Variants in LINGO2 observed in about 807,000 individuals in gnomAD.
LINGO2 encodes leucine-rich repeat and immunoglobulin-like domain-containing nogo receptor-interacting protein 2.
In LINGO2, 14 loss-of-function variants were observed where a neutral mutation model predicts 30.6. The ratio of observed to expected loss-of-function variants is 0.46; its 90% CI spans 0.30 to 0.72. The LOEUF (loss-of-function observed/expected upper bound fraction) is 0.72. Ranked by LOEUF, LINGO2 falls within the 30% of genes least tolerant of loss-of-function variation. LINGO2 has a pLI of 0.07. For synonymous variants in LINGO2, 317 were observed against 288.5 expected, an observed-to-expected ratio of 1.10 and a Z score of -1.00; for missense variants, 729 against 751.7, an observed-to-expected ratio of 0.97 and a Z score of 0.35.
chr9:28,648,098 C>A (rs1366263145), intron 1 of LINGO2, among the ~76,000 whole-genome samples: 1 of 151,860 alleles, frequency 6.6e-6, no homozygotes. Flanking sequence ...CATAATGATC[C>A]CTGCAAAATT....
the LINGO2 span, among the ~76,000 whole-genome samples, chr9:28,921,727 C>G: frequency 7.7e-4 from 118 of 152,306 alleles, no homozygotes; most frequent in Middle Eastern, 6.8e-3. Context: ...TCCACATCCA[C>G]TCACCAGTTA....
intron 5 of LINGO2, among the ~76,000 whole-genome samples, chr9:27,982,304 C>G (rs1820918086): frequency 6.6e-6 from 1 of 151,792 alleles, no homozygotes; most frequent in Non-Finnish European, 1.5e-5. Context: ...CAGCCGGACA[C>G]TAGGAATGGG....
At chr9:28,938,274 T>C in the LINGO2 span, among the ~76,000 whole-genome samples, 15 of 152,230 alleles carry the variant, frequency 9.9e-5, no homozygotes, top group Admixed American at 7.9e-4. Flanking sequence ...TATGGAGTGA[T>C]TGGCCAACCA....
the LINGO2 span, among the ~76,000 whole-genome samples, chr9:29,021,287 C>T: frequency 2.2e-4 from 34 of 152,266 alleles, no homozygotes; most frequent in African/African-American, 7.7e-4. Flanking sequence ...TATTTGAATG[C>T]GTCTGTGCCT....
the LINGO2 span, among the ~76,000 whole-genome samples, chr9:28,887,594 A>G: frequency 6.6e-6 from 1 of 152,092 alleles, no homozygotes; most frequent in African/African-American, 2.4e-5. Flanking sequence ...ACATCACAAC[A>G]AGCTACTGGA....
chr9:28,979,356 A>G, the LINGO2 span, among the ~76,000 whole-genome samples: 1 of 152,084 alleles, frequency 6.6e-6, no homozygotes, highest in African/African-American at 2.4e-5. Context: ...CAAAGTAGCT[A>G]TGGGTGGTAG....
intron 1 of LINGO2, among the ~76,000 whole-genome samples, chr9:28,621,007 A>T (rs1224071598): frequency 6.6e-6 from 1 of 152,072 alleles, no homozygotes; most frequent in Non-Finnish European, 1.5e-5. Flanking sequence ...GTGGAAGGTA[A>T]AGTGCAAGAA....
At chr9:27,959,558 A>G (rs996754026) in intron 5 of LINGO2, among the ~76,000 whole-genome samples, 16 of 152,280 alleles carry the variant, frequency 1.1e-4, no homozygotes, top group Non-Finnish European at 2.4e-4. Flanking sequence ...TTTAGGATTT[A>G]GTTGGTTTAT....
intron 4 of LINGO2, among the ~76,000 whole-genome samples, chr9:28,222,754 T>A (rs1007008391): frequency 6.6e-6 from 1 of 152,112 alleles, no homozygotes; most frequent in African/African-American, 2.4e-5. Flanking sequence ...TGCTAAAACA[T>A]CTAGAAATGA....
the LINGO2 span, among the ~76,000 whole-genome samples, chr9:28,870,933 A>G: frequency 3.2e-4 from 48 of 152,164 alleles, no homozygotes; most frequent in South Asian, 8.1e-3. Flanking sequence ...TGTTTCATTA[A>G]TAATAGTGTA....
the LINGO2 span, among the ~76,000 whole-genome samples, chr9:29,159,449 A>G: frequency 6.6e-6 from 1 of 152,338 alleles, no homozygotes; most frequent in South Asian, 2.1e-4. Flanking sequence ...GTTGATTAAG[A>G]AGTTATACAA....
the LINGO2 span, among the ~76,000 whole-genome samples, chr9:28,816,986 C>T: frequency 8.5e-5 from 13 of 152,050 alleles, no homozygotes; most frequent in Non-Finnish European, 1.9e-4. Flanking sequence ...TACTCACAGG[C>T]GACATTCTTT....
In LINGO2 at chr9:27,986,485, T is replaced by C. The variant is rs1028522584; in HGVS notation, c.-36+25870A>G. On this transcript the variant is annotated intron_variant, in intron 5 of 5. Coordinates refer to ENST00000379992, the Ensembl canonical transcript of LINGO2. ...TTATATACGCAGAGTTTGGGCACCA[T>C]TTAGGAGTAGGGCCTTTAGGAGTGG... Among the ~76,000 whole-genome samples the C allele has an allele frequency of 9.9e-5, 15 of 151,878 alleles. No homozygotes were observed. The East Asian group carries it at 2.3e-3, about 24-fold the overall frequency.
At chr9:28,595,043 G>T (rs576261457) in intron 1 of LINGO2, among the ~76,000 whole-genome samples, 1 of 151,932 alleles carries the variant, frequency 6.6e-6, no homozygotes, top group African/African-American at 2.4e-5. Context: ...ACTCCATCAC[G>T]ATCAGAATGG....
At chr9:28,165,618 C>A (rs1828404850) in intron 4 of LINGO2, among the ~76,000 whole-genome samples, 1 of 152,100 alleles carries the variant, frequency 6.6e-6, no homozygotes, top group African/African-American at 2.4e-5. Flanking sequence ...ATTATTGAAC[C>A]TGTAAAGCTT....
At chr9:28,531,802 G>C (rs1391847528) in intron 1 of LINGO2, among the ~76,000 whole-genome samples, 1 of 151,812 alleles carries the variant, frequency 6.6e-6, no homozygotes, top group Non-Finnish European at 1.5e-5. Context: ...ATTTAGTTCA[G>C]ATCCTCAAGG....
intron 4 of LINGO2, among the ~76,000 whole-genome samples, chr9:28,272,131 C>A (rs531292090): frequency 6.4e-4 from 98 of 152,276 alleles, no homozygotes; most frequent in African/African-American, 2.3e-3. Flanking sequence ...CTACCCCCAT[C>A]TTTAATATGG....
chr9:28,611,657 G>C (rs1174154808), intron 1 of LINGO2, among the ~76,000 whole-genome samples: 1 of 151,626 alleles, frequency 6.6e-6, no homozygotes, highest in Non-Finnish European at 1.5e-5. Flanking sequence ...TCTATTCCTG[G>C]ATTCCTTCAT....
intron 4 of LINGO2, among the ~76,000 whole-genome samples, chr9:28,107,461 T>C (rs935711331): frequency 9.9e-5 from 15 of 152,278 alleles, no homozygotes; most frequent in East Asian, 5.8e-4. Context: ...CTATAAATCA[T>C]TGAGTTGGGT....
Sources: allele counts gnomAD v4.1 joint callset (sites outside exome capture counted in the v4.1 genomes callset), GRCh38; gene constraint gnomAD v4.1.1; transcripts MANE v1.5; gene names NCBI Gene and HGNC (gene_info 2026-07-23, HGNC 2026-07-21).